OPCML: variants seen among roughly 807,000 people sequenced by gnomAD.
OPCML encodes the protein opioid-binding protein/cell adhesion molecule.
Under a neutral mutation model 37.8 loss-of-function variants are expected in OPCML, and 13 were observed. That is an observed-to-expected ratio of 0.34 (90% confidence interval 0.22 to 0.55). OPCML has a LOEUF of 0.55. Among genes scored for constraint, OPCML ranks in the 20% least tolerant of loss-of-function variants. The probability of loss-of-function intolerance (pLI) is 0.91; values close to 1 mark genes in which losing one functional copy is unlikely to be tolerated. For synonymous variants in OPCML, 176 were observed against 168.8 expected (o/e 1.04, Z -0.33); for missense variants, 341 against 435.6 (o/e 0.78, Z 1.93).
intron 1 of OPCML, among the ~76,000 whole-genome samples, chr11:133,376,553 T>C (rs1368204229): frequency 6.6e-6 from 1 of 152,212 alleles, no homozygotes; most frequent in Non-Finnish European, 1.5e-5. Context: ...ATTATACATA[T>C]ACATTGTTTA....
At chr11:132,489,715 C>T (rs984807301) in intron 4 of OPCML, among the ~76,000 whole-genome samples, 2 of 151,958 alleles carry the variant, frequency 1.3e-5, no homozygotes, top group Non-Finnish European at 2.9e-5. Context: ...GGTACATGTG[C>T]AGAATGTGCA....
chr11:132,490,846 C>A (rs547587562), intron 4 of OPCML, among the ~76,000 whole-genome samples: 1 of 151,572 alleles, frequency 6.6e-6, no homozygotes, highest in South Asian at 2.1e-4. Flanking sequence ...AAATGAAGAA[C>A]CTGTGTCTTC....
In OPCML at chr11:133,151,032, T is replaced by C. The variant is rs1429096304; in HGVS notation, c.62-208022A>G. Among the ~76,000 whole-genome samples the C allele has an allele frequency of 3.3e-5, 5 of 152,006 alleles. No individual in the cohort carries two copies. The East Asian group carries it at 9.7e-4, about 30-fold the overall frequency. ...GCTCATGCCTGTAATCCCAGCACTT[T>C]GGGAGGCTGAGGTGAGCGGATCACA... On this transcript the variant is annotated intron_variant, in intron 1 of 7. Transcript: ENST00000524381.
chr11:133,404,137 C>G (rs965282011), intron 1 of OPCML, among the ~76,000 whole-genome samples: 1 of 152,188 alleles, frequency 6.6e-6, no homozygotes, highest in Non-Finnish European at 1.5e-5. Flanking sequence ...CGGCCTCAGT[C>G]TTCACACGAC....
intron 2 of OPCML, among the ~76,000 whole-genome samples, chr11:132,803,656 T>C (rs1364353083): frequency 6.6e-6 from 1 of 152,232 alleles, no homozygotes; most frequent in Non-Finnish European, 1.5e-5. Flanking sequence ...CTTGTGATCA[T>C]TTCCCCTTGC....
chr11:133,038,133 T>C (rs1947815581), intron 1 of OPCML, among the ~76,000 whole-genome samples: 1 of 152,260 alleles, frequency 6.6e-6, no homozygotes, highest in Non-Finnish European at 1.5e-5. Flanking sequence ...CAAGGCTGGA[T>C]GCCTGGGAAC....
intron 4 of OPCML, among the ~76,000 whole-genome samples, chr11:132,492,164 G>A (rs2096218108): frequency 6.6e-6 from 1 of 152,020 alleles, no homozygotes; most frequent in Admixed American, 6.5e-5. Context: ...ACAATGGCCA[G>A]GACACATGGG....
At chr11:132,960,723 C>A (rs902364216) in intron 1 of OPCML, among the ~76,000 whole-genome samples, 2 of 152,188 alleles carry the variant, frequency 1.3e-5, no homozygotes, top group African/African-American at 4.8e-5. Flanking sequence ...TCAAGATATC[C>A]TGCTTTCGAA....
chr11:132,641,597 AC>A (rs1228400879), intron 3 of OPCML, among the ~76,000 whole-genome samples: 1 of 152,106 alleles, frequency 6.6e-6, no homozygotes, highest in Non-Finnish European at 1.5e-5. Flanking sequence ...ACATTTTCAA[AC>A]CACTGGGCCC....
chr11:133,152,077 T>TC (rs1262732660), intron 1 of OPCML, among the ~76,000 whole-genome samples: 1 of 152,176 alleles, frequency 6.6e-6, no homozygotes, highest in East Asian at 1.9e-4. Context: ...GTCCCTTTTA[T>TC]CCCCCATGTA....
intron 2 of OPCML, among the ~76,000 whole-genome samples, chr11:132,715,132 C>T (rs1277198982): frequency 6.6e-6 from 1 of 152,148 alleles, no homozygotes; most frequent in Admixed American, 6.5e-5. Context: ...CTTATTTGAC[C>T]TCATTCCTCC....
intron 3 of OPCML, among the ~76,000 whole-genome samples, chr11:132,644,004 G>A (rs906105428): frequency 1.3e-5 from 2 of 152,176 alleles, no homozygotes; most frequent in Non-Finnish European, 2.9e-5. Flanking sequence ...TCATTGCGGA[G>A]TTTTTAGAAA....
chr11:133,113,890 T>C (rs149867019), intron 1 of OPCML, among the ~76,000 whole-genome samples: 1 of 152,320 alleles, frequency 6.6e-6, no homozygotes, highest in East Asian at 1.9e-4. Context: ...AAATGCATCG[T>C]CTCTTCCTGA....
chr11:133,085,797 G>C (rs181582653), intron 1 of OPCML, among the ~76,000 whole-genome samples: 3 of 152,330 alleles, frequency 2.0e-5, no homozygotes, highest in Admixed American at 1.3e-4. Flanking sequence ...AGAGAAGAGA[G>C]ACTTCTTGGG....
chr11:133,314,167 G>C lies in OPCML; in HGVS notation c.61+218097C>G, dbSNP rs1295461763. On this transcript the variant is annotated intron_variant, in intron 1 of 7. Coordinates refer to ENST00000524381, the MANE Select transcript of OPCML (RefSeq NM_001012393.5). ...GGAGAATGGCGTGAACCCAGGAGTC[G>C]GAGCTTGCAGTGAGCCGAGATCGCG... 3.5e-5 allele frequency among the ~76,000 whole-genome samples: 5 copies of C among 144,834 alleles called. No individual in the cohort carries two copies. In the East Asian group the frequency reaches 1.0e-3, roughly 30 times the overall value.
chr11:133,478,878 T>TGGCACCTGA (rs1329166452), intron 1 of OPCML, among the ~76,000 whole-genome samples: 1 of 151,614 alleles, frequency 6.6e-6, no homozygotes, highest in East Asian at 1.9e-4. Flanking sequence ...CCTGGAGCTG[T>TGGCACCTGA]GGCACCTGAG....
At chr11:133,192,235 A>C (rs1439431511) in intron 1 of OPCML, among the ~76,000 whole-genome samples, 1 of 152,194 alleles carries the variant, frequency 6.6e-6, no homozygotes, top group Non-Finnish European at 1.5e-5. Flanking sequence ...AGCCAGAGTC[A>C]ATAATACTAA....
intron 1 of OPCML, among the ~76,000 whole-genome samples, chr11:133,470,273 A>G (rs1346583971): frequency 1.3e-5 from 2 of 152,200 alleles, no homozygotes; most frequent in Non-Finnish European, 2.9e-5. Flanking sequence ...CACAAAAGAA[A>G]ACACTCTTCA....
chr11:132,559,245 A>T (rs2096405087), intron 3 of OPCML, among the ~76,000 whole-genome samples: 1 of 152,092 alleles, frequency 6.6e-6, no homozygotes, highest in Admixed American at 6.6e-5. Context: ...TGTCAAATCT[A>T]TCTTGGGCCC....
Sources: allele counts gnomAD v4.1 joint callset (sites outside exome capture counted in the v4.1 genomes callset), GRCh38; gene constraint gnomAD v4.1.1; transcripts MANE v1.5; gene names NCBI Gene and HGNC (gene_info 2026-07-23, HGNC 2026-07-21).